NT5C3A: variants seen among roughly 807,000 people sequenced by gnomAD.
NT5C3A encodes 5'-nucleotidase, cytosolic IIIA.
NT5C3A carries 23 observed loss-of-function variants against 40.0 expected under a neutral mutation model. That is an observed-to-expected ratio of 0.58 (90% CI 0.41 to 0.81). The LOEUF (loss-of-function observed/expected upper bound fraction) is 0.81, where lower values mean the gene tolerates loss of function less well. Among genes scored for constraint, NT5C3A ranks in the 40% least tolerant of loss-of-function variants. NT5C3A has a pLI of 0.00. For missense variants in NT5C3A, 328 were observed against 403.0 expected (o/e 0.81, Z 1.59); for synonymous variants, 130 against 141.4 (o/e 0.92, Z 0.57).
intron 5 of NT5C3A, among the ~76,000 whole-genome samples, chr7:33,020,050 T>C (rs1785540238): frequency 3.3e-5 from 5 of 152,218 alleles, no homozygotes; most frequent in Admixed American, 2.6e-4. Flanking sequence ...CTTTCTCTGA[T>C]TGCAGTAAAA....
chr7:33,052,485 CAAAAAAAAAA>C (rs60149792), intron 1 of NT5C3A, among the ~76,000 whole-genome samples: 2 of 74,240 alleles, frequency 2.7e-5, no homozygotes, highest in Non-Finnish European at 4.9e-5. Flanking sequence ...GACTCGGTCT[CAAAAAAAAAA>C]AAAAAAAAAA....
intron 7 of NT5C3A, 136 bp downstream of exon 7, chr7:33,017,303 A>C (rs1010358479): frequency 6.2e-6 from 4 of 649,088 alleles, no homozygotes; most frequent in Non-Finnish European, 1.1e-5. Context: ...ACTGAGAAGG[A>C]TGGAGTCCCA....
At chr7:33,037,433 T>C (rs1201252058) in intron 1 of NT5C3A, among the ~76,000 whole-genome samples, 1 of 152,228 alleles carries the variant, frequency 6.6e-6, no homozygotes, top group Non-Finnish European at 1.5e-5. Flanking sequence ...AAGCACTATT[T>C]AAAAATGGCA....
intron 1 of NT5C3A, 43 bp downstream of exon 1, chr7:33,062,525 C>T (rs1787823174): frequency 1.3e-5 from 21 of 1,562,966 alleles, no homozygotes; most frequent in Non-Finnish European, 1.5e-5. Flanking sequence ...ACGGCCCAGC[C>T]GGCCCCTCGC....
intron 1 of NT5C3A, among the ~76,000 whole-genome samples, chr7:33,060,539 C>A (rs1453478369): frequency 6.6e-6 from 1 of 152,164 alleles, no homozygotes; most frequent in Non-Finnish European, 1.5e-5. Flanking sequence ...AACCCACTAG[C>A]AACTTCCTCA....
chr7:33,033,899 T>TAA (rs1786433187), intron 1 of NT5C3A, among the ~76,000 whole-genome samples: 1 of 132,876 alleles, frequency 7.5e-6, no homozygotes, highest in South Asian at 2.4e-4. Flanking sequence ...TATATAATTT[T>TAA]TTTTTTTTTT....
intron 1 of NT5C3A, chr7:33,046,084 GC>G (rs1787133392): frequency 6.6e-6 from 1 of 152,128 alleles, no homozygotes; most frequent in Non-Finnish European, 1.5e-5. Context: ...AGGCCAGTAC[GC>G]CCAGCCTCAT....
intron 1 of NT5C3A, 95 bp downstream of exon 1, chr7:33,062,473 G>T: frequency 8.6e-7 from 1 of 1,162,148 alleles, no homozygotes; most frequent in Non-Finnish European, 1.2e-6. Flanking sequence ...GCTCCCCGTC[G>T]CGACCGAACA....
intron 1 of NT5C3A, among the ~76,000 whole-genome samples, chr7:33,038,302 T>C (rs567425935): frequency 6.6e-6 from 1 of 152,162 alleles, no homozygotes; most frequent in Non-Finnish European, 1.5e-5. Context: ...GAATCTAAGA[T>C]CTTTTTGTTA....
At chr7:33,030,624 G>A (rs1198928221) in intron 1 of NT5C3A, among the ~76,000 whole-genome samples, 1 of 152,178 alleles carries the variant, frequency 6.6e-6, no homozygotes, top group Non-Finnish European at 1.5e-5. Flanking sequence ...TTGGTTGATT[G>A]ATGCCAATCT....
At chr7:33,022,008 G>A in intron 4 of NT5C3A, 45 bp downstream of exon 4, 3 of 1,084,550 alleles carry the variant, frequency 2.8e-6, no homozygotes, top group South Asian at 1.3e-5. Context: ...AGGCAAAAAG[G>A]GTAATGAAGT....
Position 33,044,466 on chromosome 7 carries a change from G to T in NT5C3A, c.139-17551C>A, listed in dbSNP as rs1279705788. On this transcript the variant is annotated intron_variant, in intron 1 of 8. Transcript: ENST00000610140. ...AGACAGGTTCTTTAACTGCACAATG[G>T]ACTTTCACCTCTGTACACAATAAAT... 3.3e-5 allele frequency among the ~76,000 whole-genome samples: 5 copies of T among 152,086 alleles called. No homozygotes were observed. In the East Asian group the frequency reaches 9.6e-4, roughly 29 times the overall value.
chr7:33,056,705 TA>T (rs1400703067), intron 1 of NT5C3A, among the ~76,000 whole-genome samples: 1 of 152,052 alleles, frequency 6.6e-6, no homozygotes, highest in Non-Finnish European at 1.5e-5. Context: ...TTTGATTCAC[TA>T]AAGCAGTTGT....
chr7:33,023,854 G>T (rs543364533), intron 3 of NT5C3A, 185 bp downstream of exon 3: 1 of 580,626 alleles, frequency 1.7e-6, no homozygotes, highest in East Asian at 2.9e-5. Flanking sequence ...AACCATACAT[G>T]AAAATAACCA....
chr7:33,026,587 C>T (rs1436733870), intron 2 of NT5C3A, among the ~76,000 whole-genome samples: 1 of 151,328 alleles, frequency 6.6e-6, no homozygotes. Context: ...AACTCCTGAC[C>T]TCAGCCTTGT....
chr7:33,052,886 C>T (rs1787427687), intron 1 of NT5C3A, among the ~76,000 whole-genome samples: 1 of 152,156 alleles, frequency 6.6e-6, no homozygotes, highest in South Asian at 2.1e-4. Flanking sequence ...GCATATATAA[C>T]AAGTTCCTGC....
intron 1 of NT5C3A, among the ~76,000 whole-genome samples, chr7:33,049,351 A>G (rs1187131999): frequency 6.6e-6 from 1 of 152,182 alleles, no homozygotes; most frequent in African/African-American, 2.4e-5. Flanking sequence ...ATCTTGTCCA[A>G]GGATAAACCA....
chr7:33,055,267 G>T (rs1181903869), intron 1 of NT5C3A, among the ~76,000 whole-genome samples: 2 of 151,880 alleles, frequency 1.3e-5, no homozygotes, highest in Non-Finnish European at 2.9e-5. Context: ...AGAGGTTGCA[G>T]TGAGCTGAGA....
In NT5C3A at chr7:33,036,022, G is replaced by GA. The variant is rs201758497; in HGVS notation, c.139-9108dup. 7,055 of 1,424,390 alleles carry GA rather than the reference G, an allele frequency of 5.0e-3. 1 individual carries two copies. The highest frequency in any genetic ancestry group is 5.9e-3 in the Non-Finnish European group (6,155 of 1,042,724). 88.2% of individuals were successfully genotyped at this position (1,424,390 alleles called of 1,614,324 possible). A position where few individuals can be genotyped will look rare whatever the true frequency, so the allele number is the denominator to read the frequency against. ...TCCCAGGTGATGTCACAGCAAAAGA[G>GA]AAAAAAAAAAGTACACGTGACATAC... On this transcript the variant is annotated intron_variant, in intron 1 of 8. Coordinates refer to ENST00000610140, the MANE Select transcript of NT5C3A (RefSeq NM_001002010.5).
Sources: gnomAD v4.1 joint callset for allele counts (sites outside exome capture counted in the v4.1 genomes callset) on GRCh38, gnomAD v4.1.1 for gene constraint, MANE v1.5 for transcripts, NCBI Gene and HGNC (gene_info 2026-07-23, HGNC 2026-07-21) for gene names.